Variants in STXBP5L observed in about 807,000 individuals in gnomAD.
The protein encoded by STXBP5L is syntaxin binding protein 5L, also known as syntaxin-binding protein 5-like.
Under a neutral mutation model 144.5 loss-of-function variants are expected in STXBP5L, and 65 were observed. That is an observed-to-expected ratio of 0.45 (90% CI 0.37 to 0.55). STXBP5L has a LOEUF of 0.55. Among genes scored for constraint, STXBP5L ranks in the 20% least tolerant of loss-of-function variants. The pLI is 0.00. For synonymous variants in STXBP5L, 505 were observed against 469.6 expected (o/e 1.08, Z -0.97); for missense variants, 1,298 against 1,405.5 (o/e 0.92, Z 1.22).
At chr3:121,320,486 G>A (rs6787064) in intron 20 of STXBP5L, among the ~76,000 whole-genome samples, 71,038 of 151,534 alleles carry the variant, frequency 0.47, 17,295 homozygotes, top group East Asian at 0.73. Flanking sequence ...ATTGGCTAGG[G>A]CCTTCAATAC....
At chr3:121,170,649 T>C (rs1168541198) in intron 9 of STXBP5L, among the ~76,000 whole-genome samples, 1 of 152,092 alleles carries the variant, frequency 6.6e-6, no homozygotes, top group African/African-American at 2.4e-5. Context: ...CAGGGAGAAG[T>C]CCAATCCCTG....
Position 121,422,028 on chromosome 3 carries a change from TAAG to T in STXBP5L, c.*2937_*2939del, listed in dbSNP as rs1377443208. 6.6e-6 allele frequency: 1 copy of T among 152,118 alleles called. No homozygotes were observed. Among genetic ancestry groups the T allele is most frequent in the South Asian group, 2.1e-4 (1 of 4,828 alleles). The allele number at this position is 152,118 out of a possible 1,614,324, so 9.4% of individuals were successfully genotyped here. ...TTATAATTCAAAGAGATGATAGCAA[TAAG>T]AAGAATCTAATGTGGATGTGATTTT... On this transcript the variant is annotated 3_prime_UTR_variant, in exon 27 of 27. Coordinates refer to ENST00000471454, the MANE Select transcript of STXBP5L (RefSeq NM_001308330.2).
chr3:120,919,867 G>A (rs955903426), intron 2 of STXBP5L, among the ~76,000 whole-genome samples: 1 of 151,752 alleles, frequency 6.6e-6, no homozygotes, highest in Non-Finnish European at 1.5e-5. Flanking sequence ...TAACTTTTAT[G>A]AAACTCCCTC....
intron 20 of STXBP5L, among the ~76,000 whole-genome samples, chr3:121,331,184 T>G (rs116270586): frequency 0.027 from 4,083 of 152,232 alleles, 80 homozygotes; most frequent in Non-Finnish European, 0.038. Context: ...ACTTTCCACA[T>G]GTGGGAAGTT....
chr3:121,034,433 CCATTTATGTTGCTG>C (rs1946610056), intron 3 of STXBP5L, among the ~76,000 whole-genome samples: 1 of 152,008 alleles, frequency 6.6e-6, no homozygotes, highest in South Asian at 2.1e-4. Context: ...GCCTCTAATT[CCATTTATGTTGCTG>C]CAAAAGATAT....
intron 9 of STXBP5L, among the ~76,000 whole-genome samples, chr3:121,177,168 G>C (rs560836163): frequency 6.6e-6 from 1 of 151,836 alleles, no homozygotes; most frequent in African/African-American, 2.4e-5. Flanking sequence ...ATATAACAAC[G>C]AACAAAACAA....
chr3:121,207,692 C>G (rs1400059612), intron 10 of STXBP5L, among the ~76,000 whole-genome samples: 1 of 152,176 alleles, frequency 6.6e-6, no homozygotes, highest in African/African-American at 2.4e-5. Context: ...AGACATTTCT[C>G]AAAAGAAGAC....
chr3:121,391,687 C>G (rs552050725), intron 22 of STXBP5L, among the ~76,000 whole-genome samples: 6 of 152,172 alleles, frequency 3.9e-5, no homozygotes, highest in South Asian at 4.1e-4. Flanking sequence ...CACTCCAGAC[C>G]CTGTTTGCCT....
chr3:121,243,007 G>A (rs911993121), intron 14 of STXBP5L, among the ~76,000 whole-genome samples: 3 of 152,168 alleles, frequency 2.0e-5, no homozygotes, highest in East Asian at 3.9e-4. Context: ...GGGCGTTTCA[G>A]CCACATCAGT....
chr3:121,182,369 T>A (rs916513914), intron 9 of STXBP5L, among the ~76,000 whole-genome samples: 5 of 152,194 alleles, frequency 3.3e-5, no homozygotes, highest in African/African-American at 1.2e-4. Context: ...TTAAAAGGAA[T>A]CCTCAACATT....
At chr3:120,935,629 A>G (rs978930249) in intron 2 of STXBP5L, among the ~76,000 whole-genome samples, 1 of 152,028 alleles carries the variant, frequency 6.6e-6, no homozygotes, top group East Asian at 1.9e-4. Flanking sequence ...GAATAATTTT[A>G]TTGGATACAG....
intron 19 of STXBP5L, 139 bp from the exon 20 acceptor site, chr3:121,318,336 G>T: frequency 4.6e-6 from 2 of 438,156 alleles, no homozygotes; most frequent in African/African-American, 2.1e-5. Flanking sequence ...TTAAAATTCA[G>T]AATAATTGAC....
At chr3:121,346,804 T>C (rs1200655205) in intron 20 of STXBP5L, among the ~76,000 whole-genome samples, 2 of 152,162 alleles carry the variant, frequency 1.3e-5, no homozygotes, top group East Asian at 1.9e-4. Flanking sequence ...GAGTTGTTTG[T>C]TGTTTTCTTG....
intron 3 of STXBP5L, among the ~76,000 whole-genome samples, chr3:121,005,247 C>T (rs983892442): frequency 6.6e-6 from 1 of 152,102 alleles, no homozygotes; most frequent in African/African-American, 2.4e-5. Context: ...TTGGTCTATT[C>T]AGATATTCAA....
intron 20 of STXBP5L, among the ~76,000 whole-genome samples, chr3:121,334,856 T>C (rs2044449561): frequency 6.6e-6 from 1 of 152,234 alleles, no homozygotes; most frequent in African/African-American, 2.4e-5. Context: ...GCCAACATCA[T>C]ACTGAATGGG....
chr3:121,267,214 T>C (rs764317929), intron 18 of STXBP5L, among the ~76,000 whole-genome samples: 1 of 152,132 alleles, frequency 6.6e-6, no homozygotes, highest in South Asian at 2.1e-4. Context: ...AAAACAGATA[T>C]ATAGACCAAT....
At chr3:121,153,394 G>A (rs1046322959) in intron 8 of STXBP5L, among the ~76,000 whole-genome samples, 2 of 152,032 alleles carry the variant, frequency 1.3e-5, no homozygotes, top group East Asian at 1.9e-4. Context: ...GGAGTAGGAA[G>A]AGATAGGAGG....
At chr3:120,960,073 C>A (rs1358526241) in intron 3 of STXBP5L, among the ~76,000 whole-genome samples, 1 of 152,130 alleles carries the variant, frequency 6.6e-6, no homozygotes, top group African/African-American at 2.4e-5. Context: ...AAAAAACAAA[C>A]AACCCCATCG....
chr3:120,993,333 T>C (rs1028937142), intron 3 of STXBP5L, among the ~76,000 whole-genome samples: 1 of 149,634 alleles, frequency 6.7e-6, no homozygotes, highest in Non-Finnish European at 1.5e-5. Context: ...TATTTGTCTA[T>C]TTTTGTTTTT....
Sources: gnomAD v4.1 joint callset for allele counts (sites outside exome capture counted in the v4.1 genomes callset) on GRCh38, gnomAD v4.1.1 for gene constraint, MANE v1.5 for transcripts, NCBI Gene and HGNC (gene_info 2026-07-23, HGNC 2026-07-21) for gene names.